The following TMEM132C variants were observed in gnomAD, a reference collection of about 807,000 sequenced individuals.
TMEM132C encodes the protein protein phosphatase 1, regulatory subunit 152.
In TMEM132C, 29 loss-of-function variants were observed where a neutral mutation model predicts 61.4. The observed-to-expected ratio is 0.47, with a 90% CI of 0.35 to 0.64. The LOEUF is 0.64. TMEM132C is among the 30% of genes least tolerant of loss of function. TMEM132C has a pLI of 0.00. For missense variants in TMEM132C, 1,408 were observed against 1,476.9 expected (o/e 0.95, Z 0.76); for synonymous variants, 656 against 633.1 (o/e 1.04, Z -0.54).
chr12:128,511,889 T>G (rs1872576785), intron 2 of TMEM132C, among the ~76,000 whole-genome samples: 1 of 152,146 alleles, frequency 6.6e-6, no homozygotes, highest in Non-Finnish European at 1.5e-5. Flanking sequence ...CAGAGCTGCC[T>G]TTCAGGAGCC....
chr12:128,663,425 G>A (rs912154558), intron 4 of TMEM132C, among the ~76,000 whole-genome samples: 2 of 152,084 alleles, frequency 1.3e-5, no homozygotes, highest in Admixed American at 1.3e-4. Context: ...ATTCCTTTTT[G>A]TGGCTGAATA....
chr12:128,307,853 A>G (rs1871835671), intron 1 of TMEM132C, among the ~76,000 whole-genome samples: 1 of 152,152 alleles, frequency 6.6e-6, no homozygotes, highest in African/African-American at 2.4e-5. Context: ...CTTCACCCCA[A>G]GAAGTCATTG....
At chr12:128,684,216 C>T (rs779204172) in intron 5 of TMEM132C, among the ~76,000 whole-genome samples, 3 of 151,718 alleles carry the variant, frequency 2.0e-5, no homozygotes, top group Non-Finnish European at 4.4e-5. Flanking sequence ...TGGTCTCTCC[C>T]ACTCGTTTCT....
intron 3 of TMEM132C, among the ~76,000 whole-genome samples, chr12:128,602,076 A>G (rs576663936): frequency 1.3e-5 from 2 of 152,144 alleles, no homozygotes; most frequent in African/African-American, 4.8e-5. Context: ...TTAGTTGGGC[A>G]TGGTGGTCAG....
chr12:128,611,980 A>T (rs1363523145), intron 3 of TMEM132C, among the ~76,000 whole-genome samples: 2 of 152,232 alleles, frequency 1.3e-5, no homozygotes, highest in Non-Finnish European at 2.9e-5. Context: ...TTAGACAATC[A>T]TACTATGCAT....
chr12:128,293,424 C>G (rs1871310440), intron 1 of TMEM132C, among the ~76,000 whole-genome samples: 1 of 152,090 alleles, frequency 6.6e-6, no homozygotes, highest in African/African-American at 2.4e-5. Context: ...TACACACCAC[C>G]CATCGGGAGG....
At chr12:128,400,294 A>C (rs1047285458) in intron 1 of TMEM132C, 1 of 152,242 alleles carries the variant, frequency 6.6e-6, no homozygotes, top group Non-Finnish European at 1.5e-5. Context: ...CTGGGCACTC[A>C]TGCATAGATT....
intron 1 of TMEM132C, among the ~76,000 whole-genome samples, chr12:128,330,540 G>A (rs947890106): frequency 3.9e-5 from 6 of 152,100 alleles, no homozygotes; most frequent in Non-Finnish European, 8.8e-5. Flanking sequence ...GCAACAGAGC[G>A]AGACCCCATC....
rs563629490 is a variant in TMEM132C, at chr12:128,340,781, TTCTC to T, written c.85+73310_85+73313del. On this transcript the variant is annotated intron_variant, in intron 1 of 8. Coordinates refer to ENST00000435159, the MANE Select transcript of TMEM132C (RefSeq NM_001136103.3). ...TTTCTTTCTTTCTATTTTTCTTTCTTTCTCTCTCTCTCTCTCTCTTTCTTTCTTT... is the reference window on the plus strand; with the variant it reads ...TTTCTTTCTTTCTATTTTTCTTTCTTTCTCTCTCTCTCTCTTTCTTTCTTT... Among the ~76,000 whole-genome samples, 292 of 123,360 alleles carry T rather than the reference TTCTC, an allele frequency of 2.4e-3. 2 individuals are homozygous for T. Among genetic ancestry groups the T allele is most frequent in the Admixed American group, 0.012 (169 of 13,802 alleles). 80.9% of individuals were successfully genotyped at this position (123,360 alleles called of 152,430 possible). A position where few individuals can be genotyped will look rare whatever the true frequency, so the allele number is the denominator to read the frequency against.
intron 1 of TMEM132C, among the ~76,000 whole-genome samples, chr12:128,374,280 A>G (rs1280932318): frequency 6.6e-6 from 1 of 152,140 alleles, no homozygotes; most frequent in Non-Finnish European, 1.5e-5. Context: ...TATATGGAAG[A>G]AGTCAGGTTT....
intron 3 of TMEM132C, among the ~76,000 whole-genome samples, chr12:128,607,454 G>C (rs936658891): frequency 1.3e-5 from 2 of 152,178 alleles, no homozygotes; most frequent in Non-Finnish European, 2.9e-5. Flanking sequence ...GCATTGAGGA[G>C]AGAGGTAGGG....
intron 1 of TMEM132C, among the ~76,000 whole-genome samples, chr12:128,369,959 G>T (rs1253124735): frequency 1.3e-5 from 2 of 152,168 alleles, no homozygotes; most frequent in Admixed American, 6.5e-5. Flanking sequence ...CATTAGTATG[G>T]GTTTAAAAGC....
At chr12:128,425,585 G>T (rs1869152050) in intron 2 of TMEM132C, among the ~76,000 whole-genome samples, 1 of 152,176 alleles carries the variant, frequency 6.6e-6, no homozygotes, top group Non-Finnish European at 1.5e-5. Context: ...AAACTTGGTG[G>T]CTTGAAACAA....
intron 1 of TMEM132C, among the ~76,000 whole-genome samples, chr12:128,302,841 G>A (rs1871641634): frequency 2.0e-5 from 3 of 152,190 alleles, no homozygotes; most frequent in Non-Finnish European, 4.4e-5. Flanking sequence ...GATTAACCCT[G>A]GTGAACTGTT....
intron 3 of TMEM132C, among the ~76,000 whole-genome samples, chr12:128,569,484 C>T (rs1452317320): frequency 1.3e-5 from 2 of 151,842 alleles, no homozygotes; most frequent in African/African-American, 2.4e-5. Flanking sequence ...CCTACTACAG[C>T]AAATATATAC....
chr12:128,392,942 G>C (rs1210710152), intron 1 of TMEM132C, among the ~76,000 whole-genome samples: 4 of 152,222 alleles, frequency 2.6e-5, no homozygotes, highest in African/African-American at 7.2e-5. Flanking sequence ...GCTAAAAGCT[G>C]CATGATGGTC....
chr12:128,528,065 T>C (rs988146001), intron 2 of TMEM132C, among the ~76,000 whole-genome samples: 4 of 152,328 alleles, frequency 2.6e-5, no homozygotes, highest in Middle Eastern at 3.4e-3. Flanking sequence ...ATGAGAAATG[T>C]CAGCTGTTGC....
intron 2 of TMEM132C, among the ~76,000 whole-genome samples, chr12:128,480,838 T>G (rs1871295560): frequency 6.6e-6 from 1 of 152,080 alleles, no homozygotes; most frequent in Non-Finnish European, 1.5e-5. Context: ...GAGGACAAAG[T>G]CATACATCAT....
intron 2 of TMEM132C, among the ~76,000 whole-genome samples, chr12:128,428,895 A>C (rs1488019426): frequency 6.6e-6 from 1 of 152,224 alleles, no homozygotes; most frequent in Non-Finnish European, 1.5e-5. Flanking sequence ...TAATTTTAAC[A>C]TATTTGCACA....
Sources: allele counts gnomAD v4.1 joint callset (sites outside exome capture counted in the v4.1 genomes callset), GRCh38; gene constraint gnomAD v4.1.1; transcripts MANE v1.5; gene names NCBI Gene and HGNC (gene_info 2026-07-23, HGNC 2026-07-21).